CCDC33: variants seen among roughly 807,000 people sequenced by gnomAD.
The protein encoded by CCDC33 is coiled-coil domain-containing protein 33.
A neutral mutation model predicts 91.9 loss-of-function variants in CCDC33; 94 were observed. That is an observed-to-expected ratio of 1.02 (90% CI 0.87 to 1.21). The LOEUF (loss-of-function observed/expected upper bound fraction) is 1.21. Ranked by LOEUF, CCDC33 falls within the 50% of genes most tolerant of loss-of-function variation. The pLI, the probability that CCDC33 is intolerant of heterozygous loss-of-function variation, is 0.00. For synonymous variants in CCDC33, 396 were observed against 374.5 expected (o/e 1.06, Z -0.66); for missense variants, 940 against 935.5 (o/e 1.00, Z -0.06).
At chr15:74,219,161 C>T (rs1231330658) in intron 2 of CCDC33, among the ~76,000 whole-genome samples, 1 of 152,170 alleles carries the variant, frequency 6.6e-6, no homozygotes, top group Non-Finnish European at 1.5e-5. Context: ...ACCTCGTTCT[C>T]ACCAGTTTTT....
downstream of CCDC33, chr15:74,336,351 C>G (rs757597193): frequency 7.4e-7 from 1 of 1,351,008 alleles, no homozygotes; most frequent in Admixed American, 2.2e-5. Context: ...GGAGACGGGC[C>G]CCTTCCAGAC....
chr15:74,332,204 C>G (rs1419506061), intron 15 of CCDC33, among the ~76,000 whole-genome samples: 7 of 152,184 alleles, frequency 4.6e-5, no homozygotes, highest in Non-Finnish European at 8.8e-5. Flanking sequence ...TCACCCAGGG[C>G]CCCTGTGTGC....
chr15:74,203,986 C>T (rs1024950633), intron 1 of CCDC33, among the ~76,000 whole-genome samples: 3 of 152,200 alleles, frequency 2.0e-5, no homozygotes, highest in Non-Finnish European at 2.9e-5. Context: ...GCTTGAAATC[C>T]TGGAGGCTCT....
chr15:74,262,170 C>T (rs1371526025), intron 2 of CCDC33, among the ~76,000 whole-genome samples: 3 of 152,146 alleles, frequency 2.0e-5, no homozygotes, highest in Non-Finnish European at 4.4e-5. Flanking sequence ...ACCCTCTACC[C>T]CCATCCCTAC....
chr15:74,280,557 A>T, intron 8 of CCDC33, 111 bp from the exon 9 acceptor site: 1 of 1,273,240 alleles, frequency 7.9e-7, no homozygotes, highest in Non-Finnish European at 1.1e-6. Context: ...GGGAAAGGCC[A>T]GGAGGCAGGA....
chr15:74,306,043 G>A (rs752719998), intron 11 of CCDC33, among the ~76,000 whole-genome samples: 5 of 152,318 alleles, frequency 3.3e-5, no homozygotes, highest in Admixed American at 1.3e-4. Flanking sequence ...ATTAATAGTC[G>A]TTGTGTTCAT....
intron 1 of CCDC33, among the ~76,000 whole-genome samples, chr15:74,204,791 C>T (rs901501384): frequency 4.6e-5 from 7 of 152,002 alleles, no homozygotes; most frequent in South Asian, 2.1e-4. Context: ...AAAAATTAGC[C>T]GGACGTGGTG....
intron 2 of CCDC33, among the ~76,000 whole-genome samples, chr15:74,257,792 C>T (rs2075912577): frequency 6.6e-6 from 1 of 152,250 alleles, no homozygotes; most frequent in Non-Finnish European, 1.5e-5. Flanking sequence ...ATTCAGATGA[C>T]TGTCTCTGCA....
intron 11 of CCDC33, among the ~76,000 whole-genome samples, chr15:74,315,993 C>T (rs1006638831): frequency 6.6e-6 from 1 of 152,184 alleles, no homozygotes; most frequent in Non-Finnish European, 1.5e-5. Context: ...GCCCTGTTTC[C>T]TGGGACCCCC....
intron 3 of CCDC33, among the ~76,000 whole-genome samples, chr15:74,262,987 G>T (rs1302198958): frequency 6.6e-6 from 1 of 152,154 alleles, no homozygotes; most frequent in Non-Finnish European, 1.5e-5. Context: ...AATTTAACTG[G>T]CTTAAGCTTA....
At chr15:74,305,078 C>T (rs2059869294) in intron 11 of CCDC33, among the ~76,000 whole-genome samples, 2 of 152,080 alleles carry the variant, frequency 1.3e-5, no homozygotes, top group African/African-American at 2.4e-5. Context: ...TCCCAAGTAG[C>T]TGGGATTACA....
At position 74,278,535 on chromosome 15, in the gene CCDC33, G is replaced by T. The variant is rs78076301; in HGVS notation, c.760-1428G>T. Among the ~76,000 whole-genome samples, 1,011 of 152,334 alleles carry T rather than the reference G, an allele frequency of 6.6e-3. 10 individuals carry two copies. Among genetic ancestry groups the T allele is most frequent in the African/African-American group, 0.023 (952 of 41,562 alleles). ...GCCTGCTGGGAGTTATGGGCCGATG[G>T]CCATCTCCCATCTCCCACCTTCTGG... is the stretch of plus-strand genomic sequence containing the variant. On this transcript the variant is annotated intron_variant, in intron 7 of 18. Coordinates refer to ENST00000398814, the MANE Select transcript of CCDC33 (RefSeq NM_025055.5).
chr15:74,212,284 G>A (rs2074375140), upstream of CCDC33: 2 of 152,426 alleles, frequency 1.3e-5, no homozygotes, highest in South Asian at 2.1e-4. Context: ...AAAGGTCAGT[G>A]CTGCTGAGCA....
Position 74,281,802 on chromosome 15 carries a change from G to A in CCDC33, c.1048G>A (p.Asp350Asn), listed in dbSNP as rs2059370676. The A allele has an allele frequency of 6.2e-7, 1 of 1,614,078 alleles. No individual in the cohort carries two copies. The highest frequency in any genetic ancestry group is 1.1e-5 in the South Asian group (1 of 91,054). ...IMDTSLKTIN[D>N]EAPTVALSFQ... ...GGACACCAGCCTGAAAACTATCAAT[G>A]ATGAGGCCCCCACAGTGGCTCTCTC... Residue 350 changes from aspartate (D) to asparagine (N), a missense_variant, in exon 10 of 19, where the codon GAT (aspartate) becomes AAT (asparagine). Physicochemically the swap from Asp to Asn is conservative, Grantham distance 23. Transcript: ENST00000398814.
At chr15:74,334,908 T>A in intron 17 of CCDC33, 67 bp from the exon 18 acceptor site, 1 of 1,290,726 alleles carries the variant, frequency 7.7e-7, no homozygotes. Flanking sequence ...AGGCCCTGGT[T>A]GTCCTGGCCA....
At chr15:74,293,271 T>TTC (rs1282976426) in intron 10 of CCDC33, among the ~76,000 whole-genome samples, 2 of 152,210 alleles carry the variant, frequency 1.3e-5, no homozygotes, top group African/African-American at 2.4e-5. Context: ...AGATTGGCTT[T>TTC]CTGCCTGGAA....
chr15:74,333,858 G>A, intron 16 of CCDC33, 23 bp from the exon 17 acceptor site: 1 of 1,604,482 alleles, frequency 6.2e-7, no homozygotes. Context: ...GGGGCCAAAT[G>A]TGAGTTTGTG....
At chr15:74,268,484 T>TGGGGGGG in intron 5 of CCDC33, 26 bp downstream of exon 5, 1 of 1,220,736 alleles carries the variant, frequency 8.2e-7, no homozygotes, top group Non-Finnish European at 1.1e-6. Context: ...CCCTCTGGGG[T>TGGGGGGG]GGTGGTGGGG....
chr15:74,276,433 G>C (rs2076451457), intron 7 of CCDC33, among the ~76,000 whole-genome samples: 1 of 152,202 alleles, frequency 6.6e-6, no homozygotes, highest in Non-Finnish European at 1.5e-5. Flanking sequence ...GGAGCTCCGG[G>C]AAGCCATGTG....
Sources: gnomAD v4.1 joint callset for allele counts (sites outside exome capture counted in the v4.1 genomes callset) on GRCh38, gnomAD v4.1.1 for gene constraint, MANE v1.5 for transcripts, NCBI Gene and HGNC (gene_info 2026-07-23, HGNC 2026-07-21) for gene names.